Variants in CXADR observed in about 807,000 individuals in gnomAD.
CXADR encodes CXADR cell adhesion molecule.
CXADR carries 20 observed loss-of-function variants against 40.3 expected under a neutral mutation model. That is an observed-to-expected ratio of 0.50 (90% CI 0.35 to 0.72). CXADR has a LOEUF of 0.72. Ranked by LOEUF, CXADR falls within the 30% of genes least tolerant of loss-of-function variation. The pLI is 0.01. For synonymous variants in CXADR, 150 were observed against 161.3 expected (o/e 0.93, Z 0.53); for missense variants, 332 against 449.1 (o/e 0.74, Z 2.36).
intron 1 of CXADR, among the ~76,000 whole-genome samples, chr21:17,525,753 C>T (rs767403893): frequency 2.0e-5 from 3 of 152,134 alleles, no homozygotes; most frequent in South Asian, 2.1e-4. Flanking sequence ...CAATTGCACA[C>T]GCATCTCATT....
At chr21:17,621,362 G>A in the CXADR span, among the ~76,000 whole-genome samples, 1 of 152,144 alleles carries the variant, frequency 6.6e-6, no homozygotes, top group Non-Finnish European at 1.5e-5. Context: ...GGTGGGGACG[G>A]GGGAAGGAGG....
At chr21:17,613,587 G>C in the CXADR span, 1 of 152,264 alleles carries the variant, frequency 6.6e-6, no homozygotes, top group Non-Finnish European at 1.5e-5. Context: ...TTGCATAAAG[G>C]AGAGGCTCCA....
intron 1 of CXADR, among the ~76,000 whole-genome samples, chr21:17,517,050 T>C (rs2060470854): frequency 6.6e-6 from 1 of 152,106 alleles, no homozygotes. Context: ...GATCTCTTAA[T>C]ATATTATTGG....
downstream of CXADR, among the ~76,000 whole-genome samples, chr21:17,573,290 T>C (rs765735625): frequency 6.6e-5 from 10 of 152,184 alleles, no homozygotes; most frequent in Admixed American, 1.3e-4. Flanking sequence ...CAAGGTCACA[T>C]TCTGAGATTC....
At chr21:17,518,571 A>G (rs1229764926) in intron 1 of CXADR, 20 of 1,227,558 alleles carry the variant, frequency 1.6e-5, no homozygotes, top group South Asian at 1.6e-4. Context: ...CAAGATCGGG[A>G]ACATCATCAT....
chr21:17,627,993 T>A, the CXADR span, among the ~76,000 whole-genome samples: 1 of 152,230 alleles, frequency 6.6e-6, no homozygotes, highest in African/African-American at 2.4e-5. Flanking sequence ...ATTCTCTTTT[T>A]TTCACACTAA....
Position 17,569,099 on chromosome 21 carries a change from A to C in CXADR, c.*3407A>C. ...AGGAACTCATTGCATGAAGTTGACT[A>C]TCAAATTCTGTGATGTGTGGCTTCT... On this transcript the variant is annotated 3_prime_UTR_variant, in exon 7 of 7. Transcript: ENST00000284878. 1 of 985,462 alleles carries C rather than the reference A, an allele frequency of 1.0e-6. No homozygotes were observed. Among genetic ancestry groups the C allele is most frequent in the South Asian group, 4.7e-5 (1 of 21,290 alleles). 61.0% of individuals were successfully genotyped at this position (985,462 alleles called of 1,614,324 possible). A position where few individuals can be genotyped will look rare whatever the true frequency, so the allele number is the denominator to read the frequency against.
At chr21:17,577,073 C>T (rs1434193622) in intron 7 of CXADR, among the ~76,000 whole-genome samples, 1 of 151,998 alleles carries the variant, frequency 6.6e-6, no homozygotes, top group African/African-American at 2.4e-5. Flanking sequence ...ACATCATTTA[C>T]TGTGTTATAT....
chr21:17,536,076 C>T (rs77985686), intron 1 of CXADR, among the ~76,000 whole-genome samples: 5,790 of 152,104 alleles, frequency 0.038, 163 homozygotes, highest in Non-Finnish European at 0.056. Context: ...TTTGGAATGG[C>T]GCCAGATATT....
chr21:17,561,960 GA>G, intron 6 of CXADR, among the ~76,000 whole-genome samples: 1 of 152,122 alleles, frequency 6.6e-6, no homozygotes, highest in Non-Finnish European at 1.5e-5. Flanking sequence ...TCACACCCTA[GA>G]AATTGACATT....
the CXADR span, chr21:17,613,997 T>A: frequency 5.9e-5 from 9 of 152,314 alleles, no homozygotes; most frequent in African/African-American, 1.9e-4. Flanking sequence ...ATGTTTTAAA[T>A]TTGTATTACT....
intron 6 of CXADR, among the ~76,000 whole-genome samples, chr21:17,564,850 T>G (rs1387841245): frequency 1.3e-5 from 2 of 152,168 alleles, no homozygotes; most frequent in African/African-American, 4.8e-5. Flanking sequence ...TTCTCCTGCC[T>G]CAGCCTCCCG....
the CXADR span, among the ~76,000 whole-genome samples, chr21:17,611,092 C>T: frequency 3.9e-5 from 6 of 152,234 alleles, no homozygotes; most frequent in Non-Finnish European, 1.5e-5. Context: ...TACATAACCC[C>T]AGCCCACCAC....
intron 2 of CXADR, among the ~76,000 whole-genome samples, chr21:17,547,815 G>A (rs1172235283): frequency 1.3e-5 from 2 of 151,608 alleles, no homozygotes; most frequent in East Asian, 3.9e-4. Context: ...AGTCTTTAGA[G>A]CAAAAAACAA....
chr21:17,563,247 A>G (rs1321595169), intron 6 of CXADR, among the ~76,000 whole-genome samples: 1 of 152,152 alleles, frequency 6.6e-6, no homozygotes, highest in Non-Finnish European at 1.5e-5. Flanking sequence ...GGATCGCACC[A>G]CTGCACCCTA....
At chr21:17,611,975 G>A in the CXADR span, 1 of 152,254 alleles carries the variant, frequency 6.6e-6, no homozygotes, top group African/African-American at 2.4e-5. Context: ...CCCGACCTCA[G>A]CGGCGCCACA....
At chr21:17,518,912 G>T in intron 1 of CXADR, 1 of 1,587,318 alleles carries the variant, frequency 6.3e-7, no homozygotes, top group Non-Finnish European at 8.6e-7. Flanking sequence ...GCTGTTTTAT[G>T]TACCACCTTC....
At chr21:17,529,392 C>T (rs1378836327) in intron 1 of CXADR, among the ~76,000 whole-genome samples, 1 of 152,128 alleles carries the variant, frequency 6.6e-6, no homozygotes, top group Non-Finnish European at 1.5e-5. Context: ...ATGATCTTAG[C>T]TCACTGCAAG....
the CXADR span, among the ~76,000 whole-genome samples, chr21:17,608,426 G>C: frequency 6.6e-6 from 1 of 151,588 alleles, no homozygotes; most frequent in East Asian, 1.9e-4. Flanking sequence ...TTTACTAGTC[G>C]TGGATCACAG....
Sources: gnomAD v4.1 joint callset for allele counts (sites outside exome capture counted in the v4.1 genomes callset) on GRCh38, gnomAD v4.1.1 for gene constraint, MANE v1.5 for transcripts, NCBI Gene and HGNC (gene_info 2026-07-23, HGNC 2026-07-21) for gene names.